The following CPNE8 variants were observed in gnomAD, a reference collection of about 807,000 sequenced individuals.
CPNE8 encodes the protein copine 8.
In CPNE8, 45 loss-of-function variants were observed where a neutral mutation model predicts 81.5. That is an observed-to-expected ratio of 0.55 (90% confidence interval 0.44 to 0.71). CPNE8 has a LOEUF of 0.71. Ranked by LOEUF, CPNE8 falls within the 30% of genes least tolerant of loss-of-function variation. The pLI, the probability that CPNE8 is intolerant of heterozygous loss-of-function variation, is 0.00. For missense variants in CPNE8, 594 were observed against 672.1 expected (o/e 0.88, Z 1.28); for synonymous variants, 252 against 226.3 (o/e 1.11, Z -1.02).
At chr12:38,790,909 TCTTA>T (rs1219430881) in intron 6 of CPNE8, among the ~76,000 whole-genome samples, 4 of 151,682 alleles carry the variant, frequency 2.6e-5, no homozygotes, top group African/African-American at 9.7e-5. Flanking sequence ...TCTCCATATC[TCTTA>T]CTATTTCTCC....
chr12:38,874,641 A>G (rs1944041854), intron 1 of CPNE8, 130 bp from the exon 2 acceptor site: 1 of 531,830 alleles, frequency 1.9e-6, no homozygotes, highest in Admixed American at 3.5e-5. Context: ...ACACATATAC[A>G]TATATATGAC....
chr12:38,776,338 G>A (rs1941935395), intron 6 of CPNE8, 37 bp from the exon 7 acceptor site: 11 of 791,908 alleles, frequency 1.4e-5, no homozygotes, highest in Non-Finnish European at 1.9e-5. Flanking sequence ...ACATTAATAT[G>A]TTATATTAAT....
At chr12:38,726,274 A>C (rs906726645) in intron 11 of CPNE8, 21 of 152,056 alleles carry the variant, frequency 1.4e-4, no homozygotes, top group African/African-American at 4.8e-4. Flanking sequence ...CACCAAAAAA[A>C]AAAACAAAAC....
intron 4 of CPNE8, among the ~76,000 whole-genome samples, chr12:38,846,342 A>T (rs1382080925): frequency 1.3e-5 from 2 of 152,202 alleles, no homozygotes; most frequent in Non-Finnish European, 2.9e-5. Flanking sequence ...GGTGATTTTC[A>T]TTCAGTATGT....
chr12:38,691,245 T>C (rs1355294067), intron 15 of CPNE8, among the ~76,000 whole-genome samples: 1 of 152,172 alleles, frequency 6.6e-6, no homozygotes, highest in African/African-American at 2.4e-5. Context: ...TCCTGTCCTT[T>C]GGGACAATGG....
Position 38,692,265 on chromosome 12 carries a change from G to T in CPNE8, c.1143+1392C>A, listed in dbSNP as rs145290118. Among the ~76,000 whole-genome samples the T allele has an allele frequency of 2.4e-3, 361 of 151,928 alleles. 5 individuals are homozygous for T. The highest frequency in any genetic ancestry group is 0.021 in the Admixed American group (326 of 15,268). The stretch of plus-strand genomic sequence containing the variant: ...GATCTCACTACTGCACTCCAGCCTG[G>T]GCAACAAAGCAAGGCTCTGTCTCAA... On this transcript the variant is annotated intron_variant, in intron 15 of 19. Coordinates refer to ENST00000331366, the MANE Select transcript of CPNE8 (RefSeq NM_153634.3).
chr12:38,836,097 G>C (rs775480356), intron 5 of CPNE8, among the ~76,000 whole-genome samples: 1 of 152,050 alleles, frequency 6.6e-6, no homozygotes, highest in Non-Finnish European at 1.5e-5. Context: ...ATGCTATGTA[G>C]TTCTGCTAAT....
At chr12:38,710,268 C>CAA (rs57376063) in intron 13 of CPNE8, among the ~76,000 whole-genome samples, 4,833 of 50,332 alleles carry the variant, frequency 0.096, 380 homozygotes, top group African/African-American at 0.18. Flanking sequence ...AATAAGCTAA[C>CAA]AAAAAAAAAA....
chr12:38,735,119 C>T (rs1197464686), intron 10 of CPNE8, among the ~76,000 whole-genome samples: 1 of 152,052 alleles, frequency 6.6e-6, no homozygotes, highest in African/African-American at 2.4e-5. Context: ...TGGGGAACAA[C>T]ACCCTTAGTT....
intron 14 of CPNE8, among the ~76,000 whole-genome samples, chr12:38,701,908 G>C (rs147948757): frequency 0.011 from 1,619 of 152,256 alleles, 32 homozygotes; most frequent in African/African-American, 0.036. Flanking sequence ...CTGAATTAGA[G>C]TCTGGTCTTA....
At chr12:38,717,296 C>A (rs1283176708) in intron 13 of CPNE8, among the ~76,000 whole-genome samples, 2 of 150,882 alleles carry the variant, frequency 1.3e-5, no homozygotes, top group African/African-American at 4.9e-5. Context: ...GGGTATCTAC[C>A]CAGAGGAAAA....
intron 11 of CPNE8, among the ~76,000 whole-genome samples, chr12:38,727,889 AAAC>A (rs1161698580): frequency 5.9e-5 from 9 of 152,222 alleles, no homozygotes; most frequent in African/African-American, 2.2e-4. Flanking sequence ...GTCTCTGCTC[AAAC>A]AACAAGTGAA....
intron 14 of CPNE8, among the ~76,000 whole-genome samples, chr12:38,702,658 T>C (rs183875398): frequency 6.6e-6 from 1 of 152,226 alleles, no homozygotes; most frequent in African/African-American, 2.4e-5. Context: ...ATAATAAATC[T>C]GAATGAGACT....
intron 1 of CPNE8, among the ~76,000 whole-genome samples, chr12:38,891,582 G>A (rs1944314962): frequency 6.6e-6 from 1 of 151,904 alleles, no homozygotes; most frequent in Non-Finnish European, 1.5e-5. Context: ...CTAGTAGCTG[G>A]TATTACAGGC....
chr12:38,781,556 T>C (rs1300829021), intron 6 of CPNE8, among the ~76,000 whole-genome samples: 1 of 152,052 alleles, frequency 6.6e-6, no homozygotes, highest in African/African-American at 2.4e-5. Context: ...TATTGTGTAA[T>C]GACAAAACAT....
intron 3 of CPNE8, among the ~76,000 whole-genome samples, chr12:38,862,126 ATTCAAT>A (rs1174737290): frequency 2.0e-5 from 3 of 152,160 alleles, no homozygotes; most frequent in African/African-American, 7.2e-5. Context: ...CAACCTTCAG[ATTCAAT>A]TTGCCAAATT....
At chr12:38,904,783 G>C (rs960869400) in intron 1 of CPNE8, among the ~76,000 whole-genome samples, 2 of 152,078 alleles carry the variant, frequency 1.3e-5, no homozygotes, top group Non-Finnish European at 2.9e-5. Context: ...CCGGCCGAGA[G>C]TCAGTTTTTA....
chr12:38,825,720 C>G (rs1943178489), intron 6 of CPNE8, among the ~76,000 whole-genome samples: 1 of 152,148 alleles, frequency 6.6e-6, no homozygotes, highest in African/African-American at 2.4e-5. Context: ...TCTCTCACAG[C>G]TAGAGTTTTT....
intron 6 of CPNE8, among the ~76,000 whole-genome samples, chr12:38,800,877 C>A (rs1414443099): frequency 2.7e-4 from 15 of 54,852 alleles, no homozygotes; most frequent in African/African-American, 5.6e-4. Context: ...CCTCAGGAGC[C>A]GATGCGATCA....
Sources: gnomAD v4.1 joint callset for allele counts (sites outside exome capture counted in the v4.1 genomes callset) on GRCh38, gnomAD v4.1.1 for gene constraint, MANE v1.5 for transcripts, NCBI Gene and HGNC (gene_info 2026-07-23, HGNC 2026-07-21) for gene names.